COL4A5: variants seen among roughly 807,000 people sequenced by gnomAD.
COL4A5 encodes the protein collagen alpha-5(IV) chain.
A neutral mutation model predicts 130.2 loss-of-function variants in COL4A5; 26 were observed. The observed-to-expected ratio is 0.20, with a 90% CI of 0.15 to 0.28. The LOEUF (loss-of-function observed/expected upper bound fraction) is 0.28, where lower values mean the gene tolerates loss of function less well. Ranked by LOEUF, COL4A5 falls within the 10% of genes least tolerant of loss-of-function variation. The pLI is 1.00. For missense variants in COL4A5, 1,131 were observed against 1,344.3 expected, an observed-to-expected ratio of 0.84 and a Z score of 2.48; for synonymous variants, 496 against 439.6, an observed-to-expected ratio of 1.13 and a Z score of -1.60.
chrX:108,649,928 G>A (rs1477214024), intron 36 of COL4A5, among the ~76,000 whole-genome samples: 2 of 111,432 alleles, frequency 1.8e-5, no homozygotes, highest in Admixed American at 9.5e-5. Context: ...AAACTAACGA[G>A]CTTTTGCACA....
At position 108,696,596 on chromosome X, in the gene COL4A5, A is replaced by T. The variant is rs1285250736; in HGVS notation, c.*218A>T. ...TCTATTATTTTTCTACTAAAGAAAT[A>T]AGGAAGTGAATTTACTTTTTGGGTC... On this transcript the variant is annotated 3_prime_UTR_variant, in exon 53 of 53. Transcript: ENST00000328300. 1 of 280,782 alleles carries T rather than the reference A, an allele frequency of 3.6e-6. No homozygotes were observed. Among genetic ancestry groups the T allele is most frequent in the African/African-American group, 2.8e-5 (1 of 36,027 alleles). 23.1% of individuals were successfully genotyped at this position (280,782 alleles called of 1,213,427 possible). A position where few individuals can be genotyped will look rare whatever the true frequency, so the allele number is the denominator to read the frequency against.
At chrX:108,636,205 C>T (rs1428993964) in intron 36 of COL4A5, among the ~76,000 whole-genome samples, 1 of 111,892 alleles carries the variant, frequency 8.9e-6, no homozygotes, top group Non-Finnish European at 1.9e-5. Context: ...CTATCTCATA[C>T]TGTATACAAA....
intron 3 of COL4A5, among the ~76,000 whole-genome samples, chrX:108,563,495 A>G (rs941421940): frequency 8.9e-6 from 1 of 112,015 alleles, no homozygotes; most frequent in Non-Finnish European, 1.9e-5. Flanking sequence ...TCATTATACC[A>G]GCATGGCAAG....
At chrX:108,616,212 G>T (rs1253832098) in intron 30 of COL4A5, among the ~76,000 whole-genome samples, 1 of 109,643 alleles carries the variant, frequency 9.1e-6, no homozygotes, top group African/African-American at 3.3e-5. Context: ...GGTTTGACCT[G>T]CTGTTTTTTT....
intron 1 of COL4A5, among the ~76,000 whole-genome samples, chrX:108,458,809 C>T (rs1449493304): frequency 9.0e-6 from 1 of 110,942 alleles, no homozygotes; most frequent in Non-Finnish European, 1.9e-5. Context: ...TGAAACCCCA[C>T]CTCTACTAAA....
At chrX:108,546,397 G>C (rs1281164366) in intron 2 of COL4A5, among the ~76,000 whole-genome samples, 2 of 111,692 alleles carry the variant, frequency 1.8e-5, no homozygotes, top group Non-Finnish European at 3.8e-5. Context: ...TGAAATTCTG[G>C]GTTGAAAATT....
At chrX:108,546,927 A>G (rs2065667891) in intron 2 of COL4A5, among the ~76,000 whole-genome samples, 1 of 112,104 alleles carries the variant, frequency 8.9e-6, no homozygotes, top group African/African-American at 3.2e-5. Flanking sequence ...TGCATTCATC[A>G]CGTAGTTCTC....
intron 28 of COL4A5, among the ~76,000 whole-genome samples, chrX:108,603,767 C>G (rs1023014912): frequency 8.9e-6 from 1 of 111,980 alleles, no homozygotes; most frequent in African/African-American, 3.2e-5. Context: ...ATTTTACCCA[C>G]AGTAGAACCT....
chrX:108,668,579 C>G (rs1270132319), intron 41 of COL4A5, 75 bp downstream of exon 41: 1 of 833,598 alleles, frequency 1.2e-6, no homozygotes, highest in Non-Finnish European at 1.6e-6. Context: ...GTTATTCAGT[C>G]TTTAAGACTT....
chrX:108,658,457 T>C (rs73530119), intron 37 of COL4A5, among the ~76,000 whole-genome samples: 11,499 of 110,619 alleles, frequency 0.1, 1,294 homozygotes, highest in African/African-American at 0.33. Context: ...TTGCTGGCCT[T>C]ATGAGCTGGG....
Position 108,622,736 on chromosome X carries a change from A to T in COL4A5, c.2828A>T (p.Lys943Ile). The change falls in exon 33 of 53, where the codon AAA (lysine) becomes ATA (isoleucine). Residue 943 changes from lysine to isoleucine, a missense_variant. By Grantham distance (102) the Lys-to-Ile change is moderately radical (BLOSUM62 -3). Transcript: ENST00000328300. ...GGCCCTACAGGAGAAAAAGGTAGTA[A>T]AGGAGAGCCTGGCCTTCCAGGCCCT... ...LPGPTGEKGS[K>I]GEPGLPGPPG... 1 of 1,210,755 alleles carries T rather than the reference A, an allele frequency of 8.3e-7. No individual in the cohort carries two copies. Among genetic ancestry groups the T allele is most frequent in the Non-Finnish European group, 1.1e-6 (1 of 894,641 alleles).
chrX:108,502,204 T>C (rs2065085635), intron 1 of COL4A5, among the ~76,000 whole-genome samples: 1 of 112,507 alleles, frequency 8.9e-6, no homozygotes, highest in Non-Finnish European at 1.9e-5. Flanking sequence ...GTTCTGACAG[T>C]GGGATTGGAG....
At chrX:108,545,274 C>T (rs2065628171) in intron 2 of COL4A5, among the ~76,000 whole-genome samples, 1 of 111,314 alleles carries the variant, frequency 9.0e-6, no homozygotes, top group African/African-American at 3.3e-5. Context: ...CTATACACTG[C>T]TTTAAATATG....
chrX:108,486,217 T>G (rs2064943782), intron 1 of COL4A5, among the ~76,000 whole-genome samples: 1 of 111,588 alleles, frequency 9.0e-6, no homozygotes, highest in African/African-American at 3.3e-5. Context: ...GATTCAAGAC[T>G]CTTTTCTACC....
chrX:108,442,246 A>G (rs1408726104), intron 1 of COL4A5, among the ~76,000 whole-genome samples: 7 of 111,793 alleles, frequency 6.3e-5, no homozygotes, highest in Non-Finnish European at 1.1e-4. Context: ...TGGGGTTTTT[A>G]TATCAAAAAA....
chrX:108,616,929 A>G (rs1488645079), intron 30 of COL4A5, among the ~76,000 whole-genome samples: 1 of 110,424 alleles, frequency 9.1e-6, no homozygotes, highest in Non-Finnish European at 1.9e-5. Context: ...GCAGGAAGAA[A>G]AGTAATAATG....
intron 36 of COL4A5, among the ~76,000 whole-genome samples, chrX:108,640,361 G>A (rs2147902224): frequency 9.0e-6 from 1 of 111,673 alleles, no homozygotes; most frequent in South Asian, 3.7e-4. Context: ...ACAGAAGGTA[G>A]AATGGTAATT....
chrX:108,442,826 A>G (rs1287123832), intron 1 of COL4A5: 1 of 111,696 alleles, frequency 9.0e-6, no homozygotes, highest in Non-Finnish European at 1.9e-5. Flanking sequence ...GATAATACAT[A>G]TTATCATATT....
chrX:108,594,108 C>T (rs958020009), intron 21 of COL4A5, among the ~76,000 whole-genome samples: 2 of 111,936 alleles, frequency 1.8e-5, no homozygotes, highest in Non-Finnish European at 3.8e-5. Context: ...ATTTCTGCCA[C>T]CTCCTCCCCA....
Sources: allele counts gnomAD v4.1 joint callset (sites outside exome capture counted in the v4.1 genomes callset), GRCh38; gene constraint gnomAD v4.1.1; transcripts MANE v1.5; gene names NCBI Gene and HGNC (gene_info 2026-07-23, HGNC 2026-07-21).